Variants in LDB2 observed in about 807,000 individuals in gnomAD.
LDB2 encodes the protein LIM domain binding 2, also known as LIM domain-binding protein 2.
Under a neutral mutation model 44.3 loss-of-function variants are expected in LDB2, and 12 were observed. That is an observed-to-expected ratio of 0.27 (90% confidence interval 0.17 to 0.44). The LOEUF (loss-of-function observed/expected upper bound fraction) is 0.44. LDB2 is among the 20% of genes least tolerant of loss of function. LDB2 has a pLI of 1.00. For missense variants in LDB2, 344 were observed against 473.5 expected (o/e 0.73, Z 2.54); for synonymous variants, 164 against 174.8 (o/e 0.94, Z 0.49).
chr4:16,530,535 G>C (rs1729789831), intron 5 of LDB2, among the ~76,000 whole-genome samples: 1 of 152,210 alleles, frequency 6.6e-6, no homozygotes, highest in South Asian at 2.1e-4. Context: ...CTCATGATCT[G>C]AGGCAGAACC....
At chr4:16,684,901 G>C (rs1359149513) in intron 2 of LDB2, among the ~76,000 whole-genome samples, 1 of 152,142 alleles carries the variant, frequency 6.6e-6, no homozygotes, top group Non-Finnish European at 1.5e-5. Context: ...ACTCTACTTT[G>C]TATTTATAGC....
At chr4:16,685,727 G>A (rs1305494174) in intron 2 of LDB2, among the ~76,000 whole-genome samples, 1 of 152,138 alleles carries the variant, frequency 6.6e-6, no homozygotes, top group Non-Finnish European at 1.5e-5. Flanking sequence ...GAATCCGGAA[G>A]CATTCTCTAC....
intron 2 of LDB2, among the ~76,000 whole-genome samples, chr4:16,683,340 A>G (rs1465827901): frequency 2.0e-5 from 3 of 152,240 alleles, no homozygotes; most frequent in Non-Finnish European, 4.4e-5. Flanking sequence ...AAATTCACAT[A>G]GTCTAAAAAT....
chr4:16,532,257 C>G (rs1481917656), intron 5 of LDB2, among the ~76,000 whole-genome samples: 1 of 152,056 alleles, frequency 6.6e-6, no homozygotes, highest in Non-Finnish European at 1.5e-5. Flanking sequence ...ACACATATAC[C>G]CTTCCATATT....
At chr4:16,792,525 C>T (rs1252753908) in intron 1 of LDB2, among the ~76,000 whole-genome samples, 7 of 152,152 alleles carry the variant, frequency 4.6e-5, no homozygotes, top group African/African-American at 1.7e-4. Flanking sequence ...AGAGTTGATA[C>T]CTGTTGCTGT....
At chr4:16,744,810 A>C (rs942364789) in intron 2 of LDB2, among the ~76,000 whole-genome samples, 3 of 152,124 alleles carry the variant, frequency 2.0e-5, no homozygotes, top group African/African-American at 7.2e-5. Flanking sequence ...AGGAAACATT[A>C]ATTTGAATCC....
chr4:16,817,691 T>C (rs755356807), intron 1 of LDB2, among the ~76,000 whole-genome samples: 4 of 152,210 alleles, frequency 2.6e-5, no homozygotes, highest in Admixed American at 6.5e-5. Context: ...TGTACCAGTA[T>C]TGACTTTCTT....
rs184828892 is a variant in LDB2 at position 16,586,030 on chromosome 4, G to C, written c.532-25C>G. ...CCTAAATGGAAAAAAAACCCCACATGTATTTTATCACTACAGGACGGTCCT... is the reference window on the plus strand; with the variant it reads ...CCTAAATGGAAAAAAAACCCCACATCTATTTTATCACTACAGGACGGTCCT... On this transcript the variant is annotated intron_variant, in intron 4 of 7. Coordinates refer to ENST00000304523, the MANE Select transcript of LDB2 (RefSeq NM_001290.5). 450 of 1,575,064 alleles carry C rather than the reference G, an allele frequency of 2.9e-4. 7 individuals are homozygous for C. The East Asian group carries it at 7.7e-3, about 27-fold the overall frequency.
intron 1 of LDB2, among the ~76,000 whole-genome samples, chr4:16,861,796 C>T (rs1712665571): frequency 2.6e-5 from 4 of 152,258 alleles, no homozygotes; most frequent in Non-Finnish European, 5.9e-5. Flanking sequence ...CCAGTCCTCC[C>T]TTGCACATGC....
chr4:16,551,272 A>G (rs1737556597), intron 5 of LDB2, among the ~76,000 whole-genome samples: 2 of 152,218 alleles, frequency 1.3e-5, no homozygotes, highest in East Asian at 1.9e-4. Flanking sequence ...AAGTTGTATT[A>G]TGGATACATT....
intron 2 of LDB2, among the ~76,000 whole-genome samples, chr4:16,655,310 T>C (rs1739458816): frequency 6.6e-6 from 1 of 152,144 alleles, no homozygotes; most frequent in South Asian, 2.1e-4. Context: ...GGGGTCTGTT[T>C]ATGCTTCAAA....
chr4:16,896,341 C>T (rs572256578), intron 1 of LDB2, among the ~76,000 whole-genome samples: 1 of 152,064 alleles, frequency 6.6e-6, no homozygotes, highest in East Asian at 1.9e-4. Context: ...AAGCATACTG[C>T]GAAAGGAGGT....
At chr4:16,579,244 G>T (rs1348918921) in intron 5 of LDB2, among the ~76,000 whole-genome samples, 1 of 152,170 alleles carries the variant, frequency 6.6e-6, no homozygotes, top group Non-Finnish European at 1.5e-5. Context: ...ACCTTGATGT[G>T]ATTATGATGC....
chr4:16,749,341 C>T (rs1764984691), intron 2 of LDB2, among the ~76,000 whole-genome samples: 1 of 151,510 alleles, frequency 6.6e-6, no homozygotes, highest in Non-Finnish European at 1.5e-5. Context: ...GGGTGGACCA[C>T]AAGGTCAGGA....
At chr4:16,539,014 T>A (rs1294376427) in intron 5 of LDB2, among the ~76,000 whole-genome samples, 1 of 152,166 alleles carries the variant, frequency 6.6e-6, no homozygotes, top group African/African-American at 2.4e-5. Flanking sequence ...AAAGTAAGAC[T>A]CAGTCCCCAA....
At chr4:16,682,472 A>G (rs1345309761) in intron 2 of LDB2, among the ~76,000 whole-genome samples, 1 of 152,178 alleles carries the variant, frequency 6.6e-6, no homozygotes. Flanking sequence ...ACAATGACCA[A>G]TGTTATTTCA....
intron 5 of LDB2, among the ~76,000 whole-genome samples, chr4:16,516,144 C>T (rs990871293): frequency 1.3e-5 from 2 of 152,030 alleles, no homozygotes; most frequent in African/African-American, 2.4e-5. Flanking sequence ...GGATTACAGG[C>T]GTGAGCCACC....
chr4:16,854,504 T>TACACAC (rs61445499), intron 1 of LDB2, among the ~76,000 whole-genome samples: 2,225 of 145,258 alleles, frequency 0.015, 28 homozygotes, highest in Middle Eastern at 0.082. Flanking sequence ...TAAATATAAA[T>TACACAC]ACACACACAC....
chr4:16,735,802 T>A (rs1761781657), intron 2 of LDB2, among the ~76,000 whole-genome samples: 1 of 152,126 alleles, frequency 6.6e-6, no homozygotes. Context: ...GATATTTGCC[T>A]GAACAGTACT....
Sources: gnomAD v4.1 joint callset for allele counts (sites outside exome capture counted in the v4.1 genomes callset) on GRCh38, gnomAD v4.1.1 for gene constraint, MANE v1.5 for transcripts, NCBI Gene and HGNC (gene_info 2026-07-23, HGNC 2026-07-21) for gene names.